Variants in ATXN2 observed in about 807,000 individuals in gnomAD.
ATXN2 encodes the protein ataxin-2.
In ATXN2, 37 loss-of-function variants were observed where a neutral mutation model predicts 138.6. The observed-to-expected ratio is 0.27, with a 90% CI of 0.21 to 0.35. ATXN2 has a LOEUF of 0.35. Ranked by LOEUF, ATXN2 falls within the 10% of genes least tolerant of loss-of-function variation. The pLI, the probability that ATXN2 is intolerant of heterozygous loss-of-function variation, is 1.00. For synonymous variants in ATXN2, 549 were observed against 543.7 expected (o/e 1.01, Z -0.13); for missense variants, 1,216 against 1,480.3 (o/e 0.82, Z 2.93).
In ATXN2 at chr12:111,566,812, ATT is replaced by A. The variant is rs542812402; in HGVS notation, c.252-10895_252-10894del. 1.9e-3 allele frequency among the ~76,000 whole-genome samples: 293 copies of A among 152,078 alleles called. 6 individuals carry two copies. The highest frequency in any genetic ancestry group is 3.5e-3 in the East Asian group (18 of 5,150). The stretch of plus-strand genomic sequence containing the variant: ...CCACCACATCCCCGCTAATTTTTGT[ATT>A]TTTAGTAGAAACGGGGTTTCACCAC... On this transcript the variant is annotated intron_variant, in intron 1 of 24. Coordinates refer to ENST00000673436, the MANE Select transcript of ATXN2 (RefSeq NM_001372574.1).
chr12:111,557,591 C>T (rs1882458690), intron 1 of ATXN2, among the ~76,000 whole-genome samples: 1 of 152,116 alleles, frequency 6.6e-6, no homozygotes, highest in African/African-American at 2.4e-5. Context: ...GGAAACTGAA[C>T]CTCAGCAGTC....
chr12:111,576,403 C>T (rs2135821814), intron 1 of ATXN2, among the ~76,000 whole-genome samples: 1 of 152,130 alleles, frequency 6.6e-6, no homozygotes, highest in East Asian at 1.9e-4. Flanking sequence ...CCACTGCACG[C>T]CACTGTACTC....
chr12:111,501,493 C>T (rs1340538921), intron 14 of ATXN2, among the ~76,000 whole-genome samples: 1 of 152,148 alleles, frequency 6.6e-6, no homozygotes, highest in Non-Finnish European at 1.5e-5. Context: ...GCCAAGATAC[C>T]TCTTCAGCCT....
At chr12:111,551,731 C>T (rs1486306215) in intron 5 of ATXN2, among the ~76,000 whole-genome samples, 2 of 152,104 alleles carry the variant, frequency 1.3e-5, no homozygotes, top group South Asian at 2.1e-4. Flanking sequence ...GTAGAAAATG[C>T]TTTACAAACT....
At chr12:111,454,958 A>C (rs1382440867) in intron 23 of ATXN2, 2 of 681,574 alleles carry the variant, frequency 2.9e-6, no homozygotes, top group Non-Finnish European at 5.4e-6. Flanking sequence ...TCAAAAAGCA[A>C]ATCAACTGCA....
At position 111,490,819 on chromosome 12, in the gene ATXN2, G is replaced by T. The variant is rs868453811; in HGVS notation, c.1936-2039C>A. 3.3e-5 allele frequency among the ~76,000 whole-genome samples: 5 copies of T among 152,110 alleles called. No individual in the cohort carries two copies. In the South Asian group the frequency reaches 6.2e-4, roughly 19 times the overall value. The stretch of plus-strand genomic sequence containing the variant: ...TCTGTGTGCTCGGGGGAGAGAGAGA[G>T]AAATGACTGTGGGATTTTGCATTGA... On this transcript the variant is annotated intron_variant, in intron 14 of 24. Coordinates refer to ENST00000673436, the MANE Select transcript of ATXN2 (RefSeq NM_001372574.1).
In ATXN2 at chr12:111,516,077, A is replaced by G. The variant is rs1053018850; in HGVS notation, c.1375+77T>C. Reference sequence around the variant, plus strand: ...ATAGGTTATTAAATAATGAAGAGGAAACTATTTTGTAATTATAAACTCACA... The same window carrying G: ...ATAGGTTATTAAATAATGAAGAGGAGACTATTTTGTAATTATAAACTCACA... On this transcript the variant is annotated intron_variant, in intron 10 of 24. Transcript: ENST00000673436. This position sits in a 1 kb window ranked among gnomAD's most constrained non-coding sequence, Gnocchi z 5.0. 6.8e-6 allele frequency: 9 copies of G among 1,330,212 alleles called. No individual in the cohort carries two copies. Among genetic ancestry groups the G allele is most frequent in the Non-Finnish European group, 9.2e-6 (9 of 973,048 alleles). 82.4% of individuals were successfully genotyped at this position (1,330,212 alleles called of 1,614,324 possible).
At chr12:111,454,015 G>C in intron 23 of ATXN2, 170 bp from the exon 24 acceptor site, 1 of 658,530 alleles carries the variant, frequency 1.5e-6, no homozygotes, top group Non-Finnish European at 2.5e-6. Context: ...TTGACCTGAA[G>C]ACGCGCTTCA....
At chr12:111,597,781 T>G (rs775978634) in intron 1 of ATXN2, 206 of 1,096,118 alleles carry the variant, frequency 1.9e-4, no homozygotes, top group Non-Finnish European at 2.4e-4. Context: ...CCACGTCCCC[T>G]GCTGCAATCT....
chr12:111,589,561 C>T (rs561763899), intron 1 of ATXN2, among the ~76,000 whole-genome samples: 5 of 151,688 alleles, frequency 3.3e-5, no homozygotes, highest in South Asian at 4.2e-4. Context: ...CACCTGAGGT[C>T]GGGAGTTCGA....
chr12:111,456,427 CA>C (rs10708872), intron 22 of ATXN2, among the ~76,000 whole-genome samples, 171 bp from the exon 23 acceptor site: 57,713 of 152,030 alleles, frequency 0.38, 15,040 homozygotes, highest in East Asian at 0.9. Context: ...CCCATCTGGA[CA>C]ACTCCTTTCT....
At position 111,598,949 on chromosome 12, in the gene ATXN2, G is replaced by GGCGGCTGCTGCTGCTGCTGCTGCT. The variant is rs1555246667; in HGVS notation, c.85_86insAGCAGCAGCAGCAGCAGCAGCCGC (p.Gln28_Pro29insGlnGlnGlnGlnGlnGlnGlnPro). 6 of 1,411,994 alleles carry GGCGGCTGCTGCTGCTGCTGCTGCT rather than the reference G, an allele frequency of 4.2e-6. No individual in the cohort carries two copies. In the South Asian group the frequency reaches 6.6e-5, roughly 16 times the overall value. 87.5% of individuals were successfully genotyped at this position (1,411,994 alleles called of 1,614,324 possible). A position where few individuals can be genotyped will look rare whatever the true frequency, so the allele number is the denominator to read the frequency against. The stretch of plus-strand genomic sequence containing the variant: ...GCGGACATTGGCAGCCGCGGGCGGC[G>GGCGGCTGCTGCTGCTGCTGCTGCT]GCTGCTGCTGCTGCTGCTGCTGCTG... On this transcript the variant is annotated inframe_insertion, in exon 1 of 25. Transcript: ENST00000673436. The surrounding 1 kb of genome is among the most constrained non-coding windows in gnomAD (Gnocchi z 4.5).
chr12:111,596,912 C>T (rs953631580), intron 1 of ATXN2, among the ~76,000 whole-genome samples: 1 of 151,792 alleles, frequency 6.6e-6, no homozygotes, highest in Non-Finnish European at 1.5e-5. Flanking sequence ...AACTTAATAA[C>T]CTTAGTTTTA....
intron 14 of ATXN2, among the ~76,000 whole-genome samples, chr12:111,506,368 G>GT (rs1318407941): frequency 1.8e-4 from 28 of 152,074 alleles, no homozygotes; most frequent in South Asian, 4.1e-4. Context: ...ATTTATATAT[G>GT]TAAATTATAT....
At chr12:111,573,573 T>C (rs1300029117) in intron 1 of ATXN2, among the ~76,000 whole-genome samples, 2 of 152,218 alleles carry the variant, frequency 1.3e-5, no homozygotes, top group Non-Finnish European at 2.9e-5. Context: ...AGCAAAGACT[T>C]TGAAATCTCA....
chr12:111,472,243 G>A lies in ATXN2; in HGVS notation c.2525-1501C>T, dbSNP rs1009229699. Among the ~76,000 whole-genome samples the A allele has an allele frequency of 5.3e-4, 81 of 152,184 alleles. 2 individuals are homozygous for A. The highest frequency in any genetic ancestry group is 3.7e-3 in the Admixed American group (56 of 15,266). ...AACTGCACCACTGCACTCCAGCCTC[G>A]GCGAAGAAGTGAGACCCTGTCTCAA... is the stretch of plus-strand genomic sequence containing the variant. On this transcript the variant is annotated intron_variant, in intron 18 of 24. Coordinates refer to ENST00000673436, the MANE Select transcript of ATXN2 (RefSeq NM_001372574.1).
At chr12:111,567,512 G>A (rs1233110290) in intron 1 of ATXN2, among the ~76,000 whole-genome samples, 1 of 145,976 alleles carries the variant, frequency 6.9e-6, no homozygotes, top group East Asian at 2.1e-4. Flanking sequence ...AAAAAAAAAA[G>A]AACGTTCCAA....
At chr12:111,462,848 CAT>C (rs1303739030) in intron 21 of ATXN2, among the ~76,000 whole-genome samples, 2 of 152,226 alleles carry the variant, frequency 1.3e-5, no homozygotes, top group Admixed American at 1.3e-4. Context: ...CAATCACAGA[CAT>C]AGTTTCCCCT....
chr12:111,583,571 GC>G (rs1190677188), intron 1 of ATXN2, among the ~76,000 whole-genome samples: 1 of 151,782 alleles, frequency 6.6e-6, no homozygotes, highest in Non-Finnish European at 1.5e-5. Flanking sequence ...TTCAAGACCA[GC>G]CTGAACAACA....
Sources: gnomAD v4.1 joint callset for allele counts (sites outside exome capture counted in the v4.1 genomes callset) on GRCh38, gnomAD v4.1.1 for gene constraint, Gnocchi (gnomAD v3.1) non-coding constraint, MANE v1.5 for transcripts, NCBI Gene and HGNC (gene_info 2026-07-23, HGNC 2026-07-21) for gene names.